Variants in CHRNA7 observed in about 807,000 individuals in gnomAD.
CHRNA7 encodes cholinergic receptor nicotinic alpha 7 subunit, also known as neuronal acetylcholine receptor subunit alpha-7.
In CHRNA7, 17 loss-of-function variants were observed where a neutral mutation model predicts 48.0. That is an observed-to-expected ratio of 0.35 (90% CI 0.24 to 0.53). The LOEUF (loss-of-function observed/expected upper bound fraction) is 0.53. Ranked by LOEUF, CHRNA7 falls within the 20% of genes least tolerant of loss-of-function variation. The pLI is 0.92. For missense variants in CHRNA7, 155 were observed against 577.7 expected, an observed-to-expected ratio of 0.27 and a Z score of 7.50; for synonymous variants, 75 against 242.3, an observed-to-expected ratio of 0.31 and a Z score of 6.41.
chr15:32,100,890 T>C (rs1274485381), intron 2 of CHRNA7: 1 of 183,100 alleles, frequency 5.5e-6, no homozygotes, highest in African/African-American at 2.4e-5. Flanking sequence ...AACATACTTG[T>C]ATTTGTTTAA....
Position 32,148,282 on chromosome 15 carries a change from G to A in CHRNA7, c.351-5625G>A, listed in dbSNP as rs562400222. The stretch of plus-strand genomic sequence containing the variant: ...TGAACACGTGCCCTATTGGGAGTTG[G>A]TCTTGCTGGACTTCTTTGATGGCTG... On this transcript the variant is annotated intron_variant, in intron 4 of 9. Transcript: ENST00000306901. Among the ~76,000 whole-genome samples the A allele has an allele frequency of 1.4e-3, 215 of 152,258 alleles. No homozygotes were observed. In the Middle Eastern group the frequency reaches 0.017, roughly 12 times the overall value.
intron 2 of CHRNA7, among the ~76,000 whole-genome samples, chr15:32,088,723 T>C (rs2050337642): frequency 6.6e-6 from 1 of 152,350 alleles, no homozygotes; most frequent in Middle Eastern, 3.4e-3. Context: ...TCTGTACATC[T>C]TCTTTGGTGA....
At chr15:32,132,239 C>A (rs1403070085) in intron 4 of CHRNA7, among the ~76,000 whole-genome samples, 1 of 152,124 alleles carries the variant, frequency 6.6e-6, no homozygotes, top group Non-Finnish European at 1.5e-5. Flanking sequence ...GCAAGCTTTC[C>A]TCAGGACTTC....
At chr15:32,075,708 C>A (rs1445981223) in intron 2 of CHRNA7, among the ~76,000 whole-genome samples, 1 of 151,770 alleles carries the variant, frequency 6.6e-6, no homozygotes, top group Non-Finnish European at 1.5e-5. Flanking sequence ...TCTGCTCTTA[C>A]CTCTATTTTT....
intron 2 of CHRNA7, among the ~76,000 whole-genome samples, chr15:32,071,056 C>G (rs2141218530): frequency 6.6e-6 from 1 of 152,156 alleles, no homozygotes; most frequent in African/African-American, 2.4e-5. Flanking sequence ...CCTTTATTAT[C>G]CATTGAATTG....
At chr15:32,050,314 G>A (rs1413232774) in intron 2 of CHRNA7, among the ~76,000 whole-genome samples, 3 of 152,114 alleles carry the variant, frequency 2.0e-5, no homozygotes, top group African/African-American at 7.2e-5. Flanking sequence ...TTTTCACATA[G>A]TCCCATATTT....
intron 2 of CHRNA7, chr15:32,099,385 G>A (rs995577031): frequency 1.3e-5 from 2 of 152,216 alleles, no homozygotes; most frequent in African/African-American, 4.8e-5. Context: ...CCCCTAACGG[G>A]TATCCCTGCA....
At chr15:32,052,051 G>C (rs1047607850) in intron 2 of CHRNA7, among the ~76,000 whole-genome samples, 2 of 152,098 alleles carry the variant, frequency 1.3e-5, no homozygotes, top group African/African-American at 4.8e-5. Flanking sequence ...TAAAATTTTA[G>C]CCTCTTAAGC....
At chr15:32,146,526 TA>T (rs1384936343) in intron 4 of CHRNA7, among the ~76,000 whole-genome samples, 3 of 152,188 alleles carry the variant, frequency 2.0e-5, no homozygotes, top group Non-Finnish European at 4.4e-5. Context: ...AGAGACTGTC[TA>T]GAAAAAATAT....
Position 32,094,824 on chromosome 15 carries a change from C to T in CHRNA7, c.196-6479C>T, listed in dbSNP as rs1202735637. On this transcript the variant is annotated intron_variant, in intron 2 of 9. Transcript: ENST00000306901. ...TGCAGGTGCCTGCCACCGCGCCTGG[C>T]TAATTTTTTGTATTTTTATTAGAGA... Among the ~76,000 whole-genome samples the T allele has an allele frequency of 2.6e-5, 4 of 152,294 alleles. No homozygotes were observed. In the East Asian group the frequency reaches 7.7e-4, roughly 29 times the overall value.
intron 2 of CHRNA7, among the ~76,000 whole-genome samples, chr15:32,091,981 A>G (rs1351336279): frequency 6.6e-6 from 1 of 152,062 alleles, no homozygotes; most frequent in East Asian, 1.9e-4. Flanking sequence ...GACCAGAAGC[A>G]GGGCCCCCAT....
chr15:32,091,684 G>A (rs1595435966), intron 2 of CHRNA7, among the ~76,000 whole-genome samples: 2 of 152,164 alleles, frequency 1.3e-5, no homozygotes, highest in Non-Finnish European at 2.9e-5. Context: ...ACCTACGAAA[G>A]AGAATCTTTT....
chr15:32,137,031 C>CAAAAAAAA (rs775166263), intron 4 of CHRNA7, among the ~76,000 whole-genome samples: 8 of 63,876 alleles, frequency 1.3e-4, no homozygotes, highest in Admixed American at 4.2e-4. Flanking sequence ...GACTCCGTCT[C>CAAAAAAAA]AAAAAAAAAA....
At chr15:32,085,484 C>T (rs2050281314) in intron 2 of CHRNA7, among the ~76,000 whole-genome samples, 1 of 152,142 alleles carries the variant, frequency 6.6e-6, no homozygotes, top group Non-Finnish European at 1.5e-5. Context: ...TAAAATCGGG[C>T]ATGTCTTACA....
intron 3 of CHRNA7, chr15:32,101,549 C>T (rs896244796): frequency 1.7e-6 from 1 of 575,814 alleles, no homozygotes; most frequent in Non-Finnish European, 3.0e-6. Flanking sequence ...CTGCAGTGCT[C>T]AACACATGCA....
chr15:32,111,883 A>T lies in CHRNA7; in HGVS notation c.334A>T (p.Ile112Phe). ...AGATGGCCAGATTTGGAAACCAGACATTCTTCTCTATAACAGGTAAGCATA... is the reference window on the plus strand; with the variant it reads ...AGATGGCCAGATTTGGAAACCAGACTTTCTTCTCTATAACAGGTAAGCATA... ...FPDGQIWKPD[I>F]LLYNSADERF... The change falls in exon 4 of 10, where the codon ATT (isoleucine) becomes TTT (phenylalanine). Residue 112 changes from isoleucine (I) to phenylalanine (F), a missense_variant. Ile to Phe is a conservative substitution (Grantham distance 21, BLOSUM62 0). Coordinates refer to ENST00000306901, the MANE Select transcript of CHRNA7 (RefSeq NM_000746.6). 6.2e-7 allele frequency: 1 copy of T among 1,604,506 alleles called. No homozygotes were observed. The highest frequency in any genetic ancestry group is 8.5e-7 in the Non-Finnish European group (1 of 1,171,206).
chr15:32,143,635 C>T (rs2051427272), intron 4 of CHRNA7, among the ~76,000 whole-genome samples: 1 of 152,174 alleles, frequency 6.6e-6, no homozygotes, highest in Non-Finnish European at 1.5e-5. Context: ...GGATAGTTAG[C>T]TCTTCTTGTT....
chr15:32,125,079 A>C (rs548030093), intron 4 of CHRNA7, among the ~76,000 whole-genome samples: 1 of 152,358 alleles, frequency 6.6e-6, no homozygotes, highest in East Asian at 1.9e-4. Flanking sequence ...CAAGTTAAAG[A>C]AAGATATCTA....
At chr15:32,114,760 A>G (rs951659858) in intron 4 of CHRNA7, among the ~76,000 whole-genome samples, 10 of 152,256 alleles carry the variant, frequency 6.6e-5, no homozygotes, top group Non-Finnish European at 1.3e-4. Context: ...AGTGACTTAA[A>G]GCAAACAACT....
Sources: gnomAD v4.1 joint callset for allele counts (sites outside exome capture counted in the v4.1 genomes callset) on GRCh38, gnomAD v4.1.1 for gene constraint, MANE v1.5 for transcripts, NCBI Gene and HGNC (gene_info 2026-07-23, HGNC 2026-07-21) for gene names.